ANKRD18A: variants seen among roughly 807,000 people sequenced by gnomAD.
ANKRD18A encodes ankyrin repeat domain-containing protein 18A.
ANKRD18A carries 72 observed loss-of-function variants against 110.6 expected under a neutral mutation model. The observed-to-expected ratio is 0.65, with a 90% CI of 0.54 to 0.79. The LOEUF (loss-of-function observed/expected upper bound fraction) is 0.79, where lower values mean the gene tolerates loss of function less well. Ranked by LOEUF, ANKRD18A falls within the 30% of genes least tolerant of loss-of-function variation. The pLI, the probability that ANKRD18A is intolerant of heterozygous loss-of-function variation, is 0.00. For missense variants in ANKRD18A, 934 were observed against 1,163.3 expected (o/e 0.80, Z 2.87); for synonymous variants, 305 against 410.3 (o/e 0.74, Z 3.10).
downstream of ANKRD18A, chr9:38,567,314 C>G (rs937736491): frequency 3.3e-5 from 5 of 152,246 alleles, no homozygotes; most frequent in African/African-American, 1.2e-4. Context: ...CTGGCACTAT[C>G]TCTTTGCTAG....
downstream of ANKRD18A, among the ~76,000 whole-genome samples, chr9:38,570,165 C>T (rs888486938): frequency 5.9e-5 from 9 of 152,120 alleles, no homozygotes; most frequent in African/African-American, 1.9e-4. Flanking sequence ...GACCATGTCT[C>T]CCTAACCAGG....
chr9:38,590,093 G>A (rs1284234595), intron 10 of ANKRD18A, among the ~76,000 whole-genome samples: 1 of 151,946 alleles, frequency 6.6e-6, no homozygotes, highest in South Asian at 2.1e-4. Context: ...AATCTTGAAG[G>A]GGGGCTGTCT....
chr9:38,584,595 G>GTACT, intron 12 of ANKRD18A, among the ~76,000 whole-genome samples: 1 of 152,094 alleles, frequency 6.6e-6, no homozygotes, highest in African/African-American at 2.4e-5. Context: ...AATTTATTTG[G>GTACT]TACTAGTGAT....
chr9:38,611,046 G>A (rs1025283760), intron 4 of ANKRD18A, among the ~76,000 whole-genome samples, 169 bp downstream of exon 4: 3 of 151,922 alleles, frequency 2.0e-5, no homozygotes, highest in African/African-American at 7.2e-5. Flanking sequence ...TTTTTGTGTT[G>A]CTTAGTCCAA....
chr9:38,617,329 A>G (rs1381551520), intron 1 of ANKRD18A, among the ~76,000 whole-genome samples: 1 of 152,086 alleles, frequency 6.6e-6, no homozygotes, highest in Non-Finnish European at 1.5e-5. Context: ...AATCCCAGCT[A>G]CTCGGGAGGC....
intron 11 of ANKRD18A, among the ~76,000 whole-genome samples, chr9:38,587,625 A>G (rs1824442634): frequency 6.6e-6 from 1 of 152,220 alleles, no homozygotes; most frequent in Non-Finnish European, 1.5e-5. Flanking sequence ...TTTTGATGTT[A>G]AAGAAGGACA....
chr9:38,615,983 T>A lies in ANKRD18A; in HGVS notation c.268A>T (p.Arg90Ter), dbSNP rs767359692. The A allele has an allele frequency of 6.3e-7, 1 of 1,592,874 alleles. No individual in the cohort carries two copies. Among genetic ancestry groups the A allele is most frequent in the Admixed American group, 1.8e-5 (1 of 56,416 alleles). The change falls in exon 2 of 16, where the codon AGA becomes TGA. Residue 90 changes from arginine (R) to a stop codon, truncating the protein, a stop_gained. Transcript: ENST00000399703. LOFTEE classifies it high-confidence loss of function. Reference protein sequence around the residue: ...RVQVVTLLLHRRCQIDICDRL... With the variant: ...RVQVVTLLLH ...TCACAGATGTCGATCTGGCATCTTC[T>A]GTGCAGCAAGAGAGTGACCACTTGC...
downstream of ANKRD18A, chr9:38,568,823 C>T (rs1050259372): frequency 1.0e-5 from 10 of 985,280 alleles, no homozygotes; most frequent in Non-Finnish European, 2.4e-6. Flanking sequence ...CCTCCCCTCC[C>T]AGGGCCCAGG....
chr9:38,611,131 C>A, intron 4 of ANKRD18A, 84 bp downstream of exon 4: 1 of 1,456,516 alleles, frequency 6.9e-7, no homozygotes, highest in Non-Finnish European at 9.0e-7. Context: ...ATCTTATTAA[C>A]ATTTCTGACT....
chr9:38,569,175 C>T (rs1788301411), downstream of ANKRD18A: 2 of 984,818 alleles, frequency 2.0e-6, no homozygotes, highest in South Asian at 9.4e-5. Flanking sequence ...CGAGACTGGG[C>T]CTGGTGACAG....
chr9:38,595,702 T>C lies in ANKRD18A; in HGVS notation c.1638A>G (p.Ile546Met). ...IGKQNSLEER[I>M]RQQELENLLL... Reference sequence around the variant, plus strand: ...AGAGATTTTCAAGTTCTTGTTGACGTATTCTCTCCTCTAAAGAGTTCTGCT... The same window carrying C: ...AGAGATTTTCAAGTTCTTGTTGACGCATTCTCTCCTCTAAAGAGTTCTGCT... The change falls in exon 9 of 16, where the codon ATA (isoleucine) becomes ATG (methionine). Residue 546 changes from isoleucine (I) to methionine (M), a missense_variant. Around this residue, in one of 4 missense-constraint regions of ANKRD18A, gnomAD observed 630 missense variants for 797.5 expected, o/e 0.79. Transcript: ENST00000399703. The C allele has an allele frequency of 6.4e-7, 1 of 1,551,410 alleles. No homozygotes were observed. Among genetic ancestry groups the C allele is most frequent in the Non-Finnish European group, 8.7e-7 (1 of 1,146,694 alleles).
intron 4 of ANKRD18A, 101 bp from the exon 5 acceptor site, chr9:38,610,511 T>C: frequency 1.4e-6 from 2 of 1,439,062 alleles, no homozygotes; most frequent in South Asian, 1.5e-5. Context: ...CCTGTCAGGA[T>C]AGACATAATA....
rs1444657143 is a variant in ANKRD18A, at chr9:38,595,804, C to T, written c.1536G>A (p.Arg512=). 2 of 1,551,144 alleles carry T rather than the reference C, an allele frequency of 1.3e-6. No homozygotes were observed. The highest frequency in any genetic ancestry group is 2.4e-5 in the South Asian group (2 of 83,932). ...LALGSVQLDL[R]QAQHRIKEMK... Reference sequence around the variant, plus strand: ...TTTCCTTTATTCGATGCTGTGCTTGCCTTAGGTCCAGCTGTACACTTCCTA... The same window carrying T: ...TTTCCTTTATTCGATGCTGTGCTTGTCTTAGGTCCAGCTGTACACTTCCTA... Residue 512 remains arginine, a synonymous_variant, in exon 9 of 16, where the codon AGG becomes AGA. Transcript: ENST00000399703.
intron 12 of ANKRD18A, among the ~76,000 whole-genome samples, chr9:38,580,070 A>C (rs1824089193): frequency 6.6e-6 from 1 of 152,216 alleles, no homozygotes; most frequent in Non-Finnish European, 1.5e-5. Flanking sequence ...AGACACAGAA[A>C]GATAAATACT....
At chr9:38,601,267 G>A (rs1239215050) in intron 7 of ANKRD18A, 63 bp from the exon 8 acceptor site, 1 of 1,409,990 alleles carries the variant, frequency 7.1e-7, no homozygotes, top group Non-Finnish European at 9.7e-7. Flanking sequence ...TATAAAAATT[G>A]ATACAGAACA....
At chr9:38,578,471 C>T (rs1824009255) in intron 12 of ANKRD18A, among the ~76,000 whole-genome samples, 1 of 152,206 alleles carries the variant, frequency 6.6e-6, no homozygotes, top group Non-Finnish European at 1.5e-5. Flanking sequence ...GTCTAACCCT[C>T]TTCCCTCATC....
intron 12 of ANKRD18A, 137 bp from the exon 13 acceptor site, chr9:38,578,285 C>A (rs1824000256): frequency 6.1e-6 from 5 of 815,962 alleles, no homozygotes; most frequent in South Asian, 5.1e-5. Context: ...CAAATGTGAA[C>A]CCTTAAATTA....
intron 1 of ANKRD18A, 66 bp from the exon 2 acceptor site, chr9:38,616,110 T>G: frequency 7.7e-7 from 1 of 1,292,890 alleles, no homozygotes; most frequent in Non-Finnish European, 1.0e-6. Context: ...ATGGTCCATG[T>G]CATTGTAAAC....
intron 1 of ANKRD18A, among the ~76,000 whole-genome samples, chr9:38,619,410 T>C (rs1293315798): frequency 6.6e-6 from 1 of 152,220 alleles, no homozygotes; most frequent in East Asian, 1.9e-4. Context: ...CCTGTTCTGT[T>C]CCATTTATTT....
Sources: allele counts gnomAD v4.1 joint callset (sites outside exome capture counted in the v4.1 genomes callset), GRCh38; gene constraint gnomAD v4.1.1; regional missense constraint gnomAD v4.1.1; transcripts MANE v1.5; gene names NCBI Gene and HGNC (gene_info 2026-07-23, HGNC 2026-07-21).